ZNF7: variants seen among roughly 807,000 people sequenced by gnomAD.
ZNF7 encodes the protein C2-H2 type zinc finger protein.
A neutral mutation model predicts 12.0 loss-of-function variants in ZNF7; 10 were observed. The observed-to-expected ratio is 0.83, with a 90% confidence interval of 0.51 to 1.42. The LOEUF (loss-of-function observed/expected upper bound fraction) is 1.42, where lower values mean the gene tolerates loss of function less well. ZNF7 is among the 40% of genes most tolerant of loss of function. ZNF7 has a pLI of 0.00. For missense variants in ZNF7, 854 were observed against 837.2 expected, an observed-to-expected ratio of 1.02 and a Z score of -0.25; for synonymous variants, 334 against 295.0, an observed-to-expected ratio of 1.13 and a Z score of -1.35.
chr8:144,841,988 T>A lies in ZNF7; in HGVS notation c.881T>A (p.Ile294Asn). Residue 294 changes from isoleucine (I) to asparagine (N), a missense_variant, in exon 5 of 5, where the codon ATT becomes AAT. Coordinates refer to ENST00000532777, the MANE Select transcript of ZNF7 (RefSeq NM_003416.4). The part of the protein sequence containing the change: ...GKAFRLSSKL[I>N]QHQRIHTGEK... ...GCCTTCCGCCTGAGCTCAAAACTTATTCAGCATCAAAGAATCCACACTGGG... is the reference window on the plus strand; with the variant it reads ...GCCTTCCGCCTGAGCTCAAAACTTAATCAGCATCAAAGAATCCACACTGGG... 1.9e-6 allele frequency: 3 copies of A among 1,614,146 alleles called. No individual in the cohort carries two copies. In the South Asian group the frequency reaches 3.3e-5, roughly 18 times the overall value.
At chr8:144,846,349 G>C, downstream of ZNF7, 1 of 640,062 alleles carries the variant, frequency 1.6e-6, no homozygotes, top group Non-Finnish European at 2.6e-6. Context: ...TTACATTTCT[G>C]AATGGTTGGG....
intron 4 of ZNF7, chr8:144,838,175 C>G (rs781038168): frequency 4.3e-6 from 3 of 702,390 alleles, no homozygotes; most frequent in Non-Finnish European, 5.2e-6. Context: ...ATCTCCGACT[C>G]CTTCACACGG....
rs112376426 is a variant in ZNF7, at chr8:144,843,416, A to G, written c.*248A>G. On this transcript the variant is annotated 3_prime_UTR_variant, in exon 5 of 5. Coordinates refer to ENST00000532777, the MANE Select transcript of ZNF7 (RefSeq NM_003416.4). Reference sequence around the variant, plus strand: ...CATCCTGGGTAACAGGTGAAACCCCATCTCTACTAAAAATACAAAAATTTA... The same window carrying G: ...CATCCTGGGTAACAGGTGAAACCCCGTCTCTACTAAAAATACAAAAATTTA... 30,341 of 359,370 alleles carry G rather than the reference A, an allele frequency of 0.084. 1,491 individuals carry two copies. The highest frequency in any genetic ancestry group is 0.12 in the South Asian group (1,799 of 15,550). 22.3% of individuals were successfully genotyped at this position (359,370 alleles called of 1,614,324 possible).
At position 144,841,591 on chromosome 8, in the gene ZNF7, A is replaced by G. The variant is rs1212552469; in HGVS notation, c.484A>G (p.Thr162Ala). The change falls in exon 5 of 5, where the codon ACC becomes GCC. Residue 162 changes from threonine (T) to alanine (A), a missense_variant. Coordinates refer to ENST00000532777, the MANE Select transcript of ZNF7 (RefSeq NM_003416.4). ...GAATGAGGAGACTGTGGTTCCCAAG[A>G]CCTTCACCAAGGACGCACCCCAGGG... is the stretch of plus-strand genomic sequence containing the variant. ...CLNEETVVPK[T>A]FTKDAPQGCK... The G allele has an allele frequency of 5.6e-6, 9 of 1,613,984 alleles. No homozygotes were observed. The highest frequency in any genetic ancestry group is 6.8e-6 in the Non-Finnish European group (8 of 1,180,028).
In ZNF7 at chr8:144,842,479, C is replaced by T. The variant is rs775801287; in HGVS notation, c.1372C>T (p.Arg458Cys). The T allele has an allele frequency of 1.2e-5, 20 of 1,613,644 alleles. No homozygotes were observed. The highest frequency in any genetic ancestry group is 8.9e-5 in the East Asian group (4 of 44,870). ...CTTTGGTTGTAGTTCACGGCTTATT[C>T]GCCATCAGAGAACTCACACTGGAGA... is the stretch of plus-strand genomic sequence containing the variant. ...KAFGCSSRLI[R>C]HQRTHTGEKP... The change falls in exon 5 of 5, where the codon CGC (arginine) becomes TGC (cysteine). Residue 458 changes from arginine (R) to cysteine (C), a missense_variant. By Grantham distance (180) the Arg-to-Cys change is radical (BLOSUM62 -3). Coordinates refer to ENST00000532777, the MANE Select transcript of ZNF7 (RefSeq NM_003416.4).
At chr8:144,844,169 T>C (rs947590136), downstream of ZNF7, among the ~76,000 whole-genome samples, 5 of 152,158 alleles carry the variant, frequency 3.3e-5, no homozygotes, top group African/African-American at 1.2e-4. Context: ...TATTTGTGTA[T>C]CTGAAAACAT....
At position 144,842,908 on chromosome 8, in the gene ZNF7, A is replaced by G. The variant is rs777900708; in HGVS notation, c.1801A>G (p.Arg601Gly). Residue 601 changes from arginine (R) to glycine (G), a missense_variant, in exon 5 of 5, where the codon AGA (arginine) becomes GGA (glycine). By Grantham distance (125) the Arg-to-Gly change is moderately radical (BLOSUM62 -2). Transcript: ENST00000532777. ...GAGCTCATATCTTATTGAACACCAG[A>G]GAATACACACTAGGGCCCAGTGGTT... The part of the protein sequence containing the change: ...SRSSYLIEHQ[R>G]IHTRAQWFYE... 1 of 1,614,188 alleles carries G rather than the reference A, an allele frequency of 6.2e-7. No homozygotes were observed. The highest frequency in any genetic ancestry group is 2.2e-5 in the East Asian group (1 of 44,886).
chr8:144,833,338 TTTGG>T (rs1186730741), intron 3 of ZNF7, among the ~76,000 whole-genome samples: 2 of 147,636 alleles, frequency 1.4e-5, no homozygotes, highest in African/African-American at 5.2e-5. Context: ...TTTGGTTTGT[TTTGG>T]TTTTTTTTTG....
At chr8:144,844,097 T>C (rs1027301755), downstream of ZNF7, among the ~76,000 whole-genome samples, 2 of 152,198 alleles carry the variant, frequency 1.3e-5, no homozygotes, top group Non-Finnish European at 2.9e-5. Context: ...AGGTCACACT[T>C]GTGTCCCAGG....
Position 144,841,686 on chromosome 8 carries a change from G to C in ZNF7, c.579G>C (p.Gly193=). ...AAAGTCAGGGAGAGAGTGCGGAAGG[G>C]ATGTCCCAGAGATGCGAGGAGTGTG... ...PLESQGESAE[G]MSQRCEECGK... is the part of the protein sequence containing the mutation. The change falls in exon 5 of 5, where the codon GGG becomes GGC. Residue 193 remains glycine, a synonymous_variant. Transcript: ENST00000532777. 1 of 1,614,170 alleles carries C rather than the reference G, an allele frequency of 6.2e-7. No homozygotes were observed. Among genetic ancestry groups the C allele is most frequent in the Non-Finnish European group, 8.5e-7 (1 of 1,180,016 alleles).
In ZNF7 at chr8:144,828,957, G is replaced by A. The variant is rs1048838573; in HGVS notation, c.-45-86G>A. 2.7e-5 allele frequency: 41 copies of A among 1,516,866 alleles called. No homozygotes were observed. The South Asian group carries it at 3.1e-4, about 12-fold the overall frequency. The allele number at this position is 1,516,866 out of a possible 1,614,324, so 94.0% of individuals were successfully genotyped here. A position where few individuals can be genotyped will look rare whatever the true frequency, so the allele number is the denominator to read the frequency against. ...GAGAAATCTGGGGCTGGAGGTAAAG[G>A]AGCAGAGAGCACAGTACCCCCTTGA... On this transcript the variant is annotated intron_variant, in intron 1 of 4. Transcript: ENST00000532777.
chr8:144,834,719 A>G (rs1480890818), intron 3 of ZNF7: 1 of 150,468 alleles, frequency 6.6e-6, no homozygotes, highest in African/African-American at 2.4e-5. Flanking sequence ...AAATGGATAT[A>G]TATATATATG....
rs755666992 is a variant in ZNF7, at chr8:144,841,373, A to T, written c.266A>T (p.Glu89Val). ...TSKTDSTIRT[E>V]NEQACEDMDI... is the part of the protein sequence containing the mutation. Reference sequence around the variant, plus strand: ...ATTTCAGATTCTACGATTAGGACTGAAAATGAGCAGGCCTGTGAGGACATG... The same window carrying T: ...ATTTCAGATTCTACGATTAGGACTGTAAATGAGCAGGCCTGTGAGGACATG... Residue 89 changes from glutamate to valine, a missense_variant, in exon 5 of 5, where the codon GAA (glutamate) becomes GTA (valine). Glu to Val is a moderately radical substitution (Grantham distance 121). Coordinates refer to ENST00000532777, the MANE Select transcript of ZNF7 (RefSeq NM_003416.4). 3 of 1,605,610 alleles carry T rather than the reference A, an allele frequency of 1.9e-6. No individual in the cohort carries two copies. In the South Asian group the frequency reaches 3.3e-5, roughly 18 times the overall value.
intron 3 of ZNF7, 73 bp downstream of exon 3, chr8:144,829,677 G>C (rs1828208599): frequency 4.6e-6 from 7 of 1,530,960 alleles, no homozygotes; most frequent in Non-Finnish European, 6.2e-6. Context: ...TCCATCAGAG[G>C]CTGGGGTATG....
Position 144,842,697 on chromosome 8 carries a change from C to G in ZNF7, c.1590C>G (p.Cys530Trp). Residue 530 changes from cysteine to tryptophan, a missense_variant, in exon 5 of 5, where the codon TGC becomes TGG. Physicochemically the swap from Cys to Trp is radical, Grantham distance 215. Transcript: ENST00000532777. ...AGAAGCCCTACGAATGCCTCCAATG[C>G]GGAAAAGCCTTCAGTATGAGCACAC... ...KGEKPYECLQ[C>W]GKAFSMSTQL... 1 of 1,613,888 alleles carries G rather than the reference C, an allele frequency of 6.2e-7. No individual in the cohort carries two copies. Among genetic ancestry groups the G allele is most frequent in the Non-Finnish European group, 8.5e-7 (1 of 1,179,966 alleles).
downstream of ZNF7, among the ~76,000 whole-genome samples, chr8:144,845,555 A>G (rs1040216225): frequency 4.6e-5 from 7 of 152,078 alleles, no homozygotes; most frequent in Non-Finnish European, 7.4e-5. Flanking sequence ...CTGCTGCTCA[A>G]CCCTAATCTA....
rs1830164847 is a variant in ZNF7, at chr8:144,843,024, T to A, written c.1917T>A (p.Cys639Ter). The A allele has an allele frequency of 3.7e-6, 6 of 1,614,176 alleles. No homozygotes were observed. Among genetic ancestry groups the A allele is most frequent in the Non-Finnish European group, 5.1e-6 (6 of 1,180,032 alleles). Residue 639 changes from cysteine (C) to a stop codon, truncating the protein, a stop_gained, in exon 5 of 5, where the codon TGT (cysteine) becomes TGA (stop). Coordinates refer to ENST00000532777, the MANE Select transcript of ZNF7 (RefSeq NM_003416.4). LOFTEE classifies it low-confidence loss of function (END_TRUNC). ...AGAAACTGCATCAGTGTGAAGACTG[T>A]GAGAAGATATTTAGGTGGCGTTCAC... is the stretch of plus-strand genomic sequence containing the variant. The part of the protein sequence containing the change: ...TIKKLHQCED[C>*]EKIFRWRSHL...
intron 4 of ZNF7, among the ~76,000 whole-genome samples, chr8:144,839,655 G>C (rs1233099726): frequency 2.6e-5 from 4 of 152,270 alleles, no homozygotes; most frequent in Non-Finnish European, 5.9e-5. Flanking sequence ...TCGCAGACCT[G>C]AGAGTCCGGG....
downstream of ZNF7, among the ~76,000 whole-genome samples, chr8:144,844,698 T>G (rs1481108187): frequency 8.0e-6 from 1 of 124,790 alleles, no homozygotes. Flanking sequence ...GACAAGAGTG[T>G]GACTCTGTAT....
Sources: gnomAD v4.1 joint callset for allele counts (sites outside exome capture counted in the v4.1 genomes callset) on GRCh38, gnomAD v4.1.1 for gene constraint, MANE v1.5 for transcripts, NCBI Gene and HGNC (gene_info 2026-07-23, HGNC 2026-07-21) for gene names.